Variants in OTX2 observed in about 807,000 individuals in gnomAD.
OTX2 encodes orthodenticle homeobox 2, also known as homeobox protein OTX2.
OTX2 carries 4 observed loss-of-function variants against 29.0 expected under a neutral mutation model. The ratio of observed to expected loss-of-function variants is 0.14; its 90% CI spans 0.07 to 0.32. The LOEUF is 0.32. OTX2 is among the 10% of genes least tolerant of loss of function. The pLI is 1.00. For missense variants in OTX2, 298 were observed against 365.9 expected, an observed-to-expected ratio of 0.81 and a Z score of 1.51; for synonymous variants, 134 against 141.0, an observed-to-expected ratio of 0.95 and a Z score of 0.35.
rs139042398 is a variant in OTX2 at position 56,808,441 on chromosome 14, G to C, written c.-120+1718C>G. On this transcript the variant is annotated intron_variant, in intron 2 of 4. Coordinates refer to ENST00000672264, the MANE Select transcript of OTX2 (RefSeq NM_021728.4). The stretch of plus-strand genomic sequence containing the variant: ...AACGGCCGGCGCTGGCCTCTCTCCG[G>C]CGAACTCGAGTGAAAGTTTCTGGCC... 3.7e-3 allele frequency among the ~76,000 whole-genome samples: 565 copies of C among 152,046 alleles called. 26 individuals are homozygous for C. The East Asian group carries it at 0.088, about 24-fold the overall frequency.
Position 56,804,023 on chromosome 14 carries a change from C to G in OTX2, c.273+165G>C, listed in dbSNP as rs1891986389. Among the ~76,000 whole-genome samples the G allele has an allele frequency of 1.3e-5, 2 of 151,888 alleles. No homozygotes were observed. Among genetic ancestry groups the G allele is most frequent in the South Asian group, 4.1e-4 (2 of 4,822 alleles). On this transcript the variant is annotated intron_variant, in intron 4 of 4. Coordinates refer to ENST00000672264, the MANE Select transcript of OTX2 (RefSeq NM_021728.4). The surrounding 1 kb of genome is among the most constrained non-coding windows in gnomAD (Gnocchi z 4.1). Reference sequence around the variant, plus strand: ...GCTTACGGGATTAAGTGGTGACGGGCAGGCAAAAAAGGGCAGAAGGAGAAT... The same window carrying G: ...GCTTACGGGATTAAGTGGTGACGGGGAGGCAAAAAAGGGCAGAAGGAGAAT...
chr14:56,801,222 A>G lies in OTX2; in HGVS notation c.*513T>C, dbSNP rs1891863006. 1 of 185,156 alleles carries G rather than the reference A, an allele frequency of 5.4e-6. No homozygotes were observed. The highest frequency in any genetic ancestry group is 1.2e-5 in the Non-Finnish European group (1 of 86,628). The allele number at this position is 185,156 out of a possible 1,614,324, so 11.5% of individuals were successfully genotyped here. The stretch of plus-strand genomic sequence containing the variant: ...TCCTTATGAACATTATTTTTTAAAT[A>G]AAGTAGTGCATCTAGGACAATCAGT... On this transcript the variant is annotated 3_prime_UTR_variant, in exon 5 of 5. Coordinates refer to ENST00000672264, the MANE Select transcript of OTX2 (RefSeq NM_021728.4). This position sits in a 1 kb window ranked among gnomAD's most constrained non-coding sequence, Gnocchi z 4.2.
chr14:56,807,680 A>C (rs998870851), intron 2 of OTX2, among the ~76,000 whole-genome samples: 7 of 152,232 alleles, frequency 4.6e-5, no homozygotes. Flanking sequence ...AAAGAGGAAA[A>C]CCAAAACCCA....
At chr14:56,809,322 G>T (rs572665871) in intron 2 of OTX2, among the ~76,000 whole-genome samples, 2 of 152,332 alleles carry the variant, frequency 1.3e-5, no homozygotes, top group South Asian at 4.1e-4. Flanking sequence ...ACGTTCGCTC[G>T]GCCTGGTGAC....
Position 56,810,209 on chromosome 14 carries a change from A to G in OTX2, c.-170T>C, listed in dbSNP as rs1892228668. 1 of 152,160 alleles carries G rather than the reference A, an allele frequency of 6.6e-6. No individual in the cohort carries two copies. The highest frequency in any genetic ancestry group is 2.1e-4 in the South Asian group (1 of 4,822). The allele number at this position is 152,160 out of a possible 1,614,324, so 9.4% of individuals were successfully genotyped here. A position where few individuals can be genotyped will look rare whatever the true frequency, so the allele number is the denominator to read the frequency against. On this transcript the variant is annotated 5_prime_UTR_variant, in exon 2 of 5. Coordinates refer to ENST00000672264, the MANE Select transcript of OTX2 (RefSeq NM_021728.4). ...AAAGTCAAATATCCTTTAAATTCCA[A>G]ATAGCCAGCTATCCTAAAAGAAATC... is the stretch of plus-strand genomic sequence containing the variant.
chr14:56,808,111 C>G (rs1283702537), intron 2 of OTX2, among the ~76,000 whole-genome samples: 2 of 129,380 alleles, frequency 1.5e-5, no homozygotes, highest in African/African-American at 3.0e-5. Context: ...CCCTCCCCCA[C>G]GCCTTGTTTT....
rs1345627274 is a variant in OTX2 at position 56,800,837 on chromosome 14, C to G, written c.*898G>C. 2.0e-5 allele frequency: 3 copies of G among 152,626 alleles called. No individual in the cohort carries two copies. The highest frequency in any genetic ancestry group is 7.2e-5 in the African/African-American group (3 of 41,458). 9.5% of individuals were successfully genotyped at this position (152,626 alleles called of 1,614,324 possible). ...CAATGATCTCAGTTTAATAATTCAT[C>G]AGGGTCAGAGCAATTGACCAATGTC... On this transcript the variant is annotated 3_prime_UTR_variant, in exon 5 of 5. Coordinates refer to ENST00000672264, the MANE Select transcript of OTX2 (RefSeq NM_021728.4).
chr14:56,807,793 G>T (rs1892138669), intron 2 of OTX2, among the ~76,000 whole-genome samples: 1 of 152,224 alleles, frequency 6.6e-6, no homozygotes, highest in Admixed American at 6.5e-5. Flanking sequence ...TCGAAGCAGG[G>T]TCCAGAACGG....
chr14:56,801,589 G>A lies in OTX2; in HGVS notation c.*146C>T, dbSNP rs543291377. 19 of 906,362 alleles carry A rather than the reference G, an allele frequency of 2.1e-5. No homozygotes were observed. The highest frequency in any genetic ancestry group is 1.7e-4 in the South Asian group (12 of 69,862). The allele number at this position is 906,362 out of a possible 1,614,324, so 56.1% of individuals were successfully genotyped here. On this transcript the variant is annotated 3_prime_UTR_variant, in exon 5 of 5. Transcript: ENST00000672264. The surrounding 1 kb of genome is among the most constrained non-coding windows in gnomAD (Gnocchi z 4.2). ...TTTGTAGGCCCCTCTAAGGCCCTTCGTTTTTCCTTCTATGCCTCTCGGAAC... is the reference window on the plus strand; with the variant it reads ...TTTGTAGGCCCCTCTAAGGCCCTTCATTTTTCCTTCTATGCCTCTCGGAAC...
At position 56,802,420 on chromosome 14, in the gene OTX2, C is replaced by T. The variant is rs1891926451; in HGVS notation, c.274-65G>A. 25 of 1,559,840 alleles carry T rather than the reference C, an allele frequency of 1.6e-5. No individual in the cohort carries two copies. The highest frequency in any genetic ancestry group is 5.6e-5 in the South Asian group (5 of 89,904). Reference sequence around the variant, plus strand: ...GTTCCTTAAGGACAAGAATGGCTCCCGTATTATAAATCTATCCTACATGGG... The same window carrying T: ...GTTCCTTAAGGACAAGAATGGCTCCTGTATTATAAATCTATCCTACATGGG... On this transcript the variant is annotated intron_variant, in intron 4 of 4. Transcript: ENST00000672264. The surrounding 1 kb of genome is among the most constrained non-coding windows in gnomAD (Gnocchi z 4.4).
chr14:56,800,864 C>T lies in OTX2; in HGVS notation c.*871G>A, dbSNP rs1891849651. Reference sequence around the variant, plus strand: ...GGGTCAGAGCAATTGACCAATGTCTCTTTACTGCTAGGCTTACCAACAGTA... The same window carrying T: ...GGGTCAGAGCAATTGACCAATGTCTTTTTACTGCTAGGCTTACCAACAGTA... On this transcript the variant is annotated 3_prime_UTR_variant, in exon 5 of 5. Coordinates refer to ENST00000672264, the MANE Select transcript of OTX2 (RefSeq NM_021728.4). The T allele has an allele frequency of 6.6e-6, 1 of 152,618 alleles. No individual in the cohort carries two copies. Among genetic ancestry groups the T allele is most frequent in the African/African-American group, 2.4e-5 (1 of 41,448 alleles). 9.5% of individuals were successfully genotyped at this position (152,618 alleles called of 1,614,324 possible).
intron 3 of OTX2, among the ~76,000 whole-genome samples, 167 bp downstream of exon 3, chr14:56,805,193 T>C (rs1016190061): frequency 3.3e-5 from 5 of 152,188 alleles, no homozygotes; most frequent in South Asian, 4.1e-4. Context: ...GGTCAGTAAA[T>C]GCCCTGGGAC....
intron 2 of OTX2, 72 bp from the exon 3 acceptor site, chr14:56,805,647 C>T (rs1187828004): frequency 8.1e-6 from 5 of 615,596 alleles, no homozygotes; most frequent in South Asian, 5.3e-5. Context: ...TTCCACGTTC[C>T]AGCACTAACT....
chr14:56,805,687 G>C (rs1340025613), intron 2 of OTX2, 112 bp from the exon 3 acceptor site: 1 of 527,442 alleles, frequency 1.9e-6, no homozygotes, highest in Non-Finnish European at 3.5e-6. Flanking sequence ...GCGAGGCAGA[G>C]GCTTTTAAAG....
intron 2 of OTX2, among the ~76,000 whole-genome samples, chr14:56,806,086 C>T (rs898621164): frequency 4.2e-4 from 64 of 152,242 alleles, no homozygotes; most frequent in African/African-American, 1.5e-3. Flanking sequence ...AGACTGTTGC[C>T]TTTCCATGGC....
chr14:56,800,947 A>G lies in OTX2; in HGVS notation c.*788T>C, dbSNP rs1332601359. 3 of 152,490 alleles carry G rather than the reference A, an allele frequency of 2.0e-5. No homozygotes were observed. Among genetic ancestry groups the G allele is most frequent in the Non-Finnish European group, 4.4e-5 (3 of 68,076 alleles). The allele number at this position is 152,490 out of a possible 1,614,324, so 9.4% of individuals were successfully genotyped here. On this transcript the variant is annotated 3_prime_UTR_variant, in exon 5 of 5. Transcript: ENST00000672264. The stretch of plus-strand genomic sequence containing the variant: ...CTTCTCTGACTCTCTTTGTCCAGAG[A>G]CATTTTGTCGTAAAGTTTCAGTGCA...
At chr14:56,806,273 C>T (rs1892087528) in intron 2 of OTX2, among the ~76,000 whole-genome samples, 2 of 152,126 alleles carry the variant, frequency 1.3e-5, no homozygotes, top group Admixed American at 1.3e-4. Context: ...AATTAGTAGT[C>T]TGGGTAATTA....
At chr14:56,807,473 G>A (rs1892127972) in intron 2 of OTX2, among the ~76,000 whole-genome samples, 1 of 152,186 alleles carries the variant, frequency 6.6e-6, no homozygotes, top group Non-Finnish European at 1.5e-5. Flanking sequence ...CTTACATGTA[G>A]AGCTCTCACC....
At position 56,804,732 on chromosome 14, in the gene OTX2, G is replaced by A. The variant is rs542207221; in HGVS notation, c.98-369C>T. Among the ~76,000 whole-genome samples, 2 of 152,298 alleles carry A rather than the reference G, an allele frequency of 1.3e-5. No homozygotes were observed. The highest frequency in any genetic ancestry group is 2.9e-5 in the Non-Finnish European group (2 of 68,038). On this transcript the variant is annotated intron_variant, in intron 3 of 4. Transcript: ENST00000672264. This position sits in a 1 kb window ranked among gnomAD's most constrained non-coding sequence, Gnocchi z 4.1. ...AGACTGGCAGCTCGAATTGATGGGG[G>A]AAATCTGGATCCTGTTCCCATGGTT...
Sources: gnomAD v4.1 joint callset for allele counts (sites outside exome capture counted in the v4.1 genomes callset) on GRCh38, gnomAD v4.1.1 for gene constraint, Gnocchi (gnomAD v3.1) non-coding constraint, MANE v1.5 for transcripts, NCBI Gene and HGNC (gene_info 2026-07-23, HGNC 2026-07-21) for gene names.